OLFM1: variants seen among roughly 807,000 people sequenced by gnomAD.
OLFM1 encodes olfactomedin 1.
OLFM1 carries 9 observed loss-of-function variants against 49.7 expected under a neutral mutation model. That is an observed-to-expected ratio of 0.18 (90% CI 0.11 to 0.32). The LOEUF (loss-of-function observed/expected upper bound fraction) is 0.32. Ranked by LOEUF, OLFM1 falls within the 10% of genes least tolerant of loss-of-function variation. OLFM1 has a pLI of 1.00. For missense variants in OLFM1, 369 were observed against 661.8 expected (o/e 0.56, Z 4.85); for synonymous variants, 240 against 271.8 (o/e 0.88, Z 1.15).
intron 2 of OLFM1, among the ~76,000 whole-genome samples, chr9:135,092,022 G>A (rs1830723817): frequency 6.6e-6 from 1 of 152,248 alleles, no homozygotes; most frequent in Non-Finnish European, 1.5e-5. Context: ...CAGGAGGCCT[G>A]TGAGGGGCGG....
At chr9:135,084,309 TTC>T (rs140521547), upstream of OLFM1, among the ~76,000 whole-genome samples, 3 of 149,814 alleles carry the variant, frequency 2.0e-5, no homozygotes, top group South Asian at 2.1e-4. This position sits in a 1 kb window ranked among gnomAD's most constrained non-coding sequence, Gnocchi z 4.6. Flanking sequence ...TCTATCTTTC[TTC>T]TCTCTCTCTC....
At chr9:135,076,671 C>A in intron 1 of OLFM1, 1 of 1,287,958 alleles carries the variant, frequency 7.8e-7, no homozygotes, top group South Asian at 1.6e-5. Context: ...TCAATGATGC[C>A]ACTGTGCCAC....
chr9:135,116,520 G>A (rs1398661076), intron 5 of OLFM1, among the ~76,000 whole-genome samples: 2 of 152,110 alleles, frequency 1.3e-5, no homozygotes, highest in African/African-American at 4.8e-5. Context: ...AGGGTACAGG[G>A]GTGAGTCACC....
At chr9:135,111,072 A>G (rs4842221) in intron 5 of OLFM1, among the ~76,000 whole-genome samples, 25,344 of 152,156 alleles carry the variant, frequency 0.17, 2,190 homozygotes, top group Admixed American at 0.2. Context: ...CAGTTAGGAA[A>G]ATCCCACGTT....
intron 5 of OLFM1, 132 bp downstream of exon 5, chr9:135,106,987 G>A (rs1399918620): frequency 1.7e-5 from 12 of 697,770 alleles, no homozygotes; most frequent in Admixed American, 2.8e-5. Context: ...GTGCCTGGGG[G>A]CGTTTGTTCC....
rs1831049030 is a variant in OLFM1 at position 135,113,305 on chromosome 9, C to A, written c.784-6199C>A. Among the ~76,000 whole-genome samples, 1 of 152,156 alleles carries A rather than the reference C, an allele frequency of 6.6e-6. No individual in the cohort carries two copies. On this transcript the variant is annotated intron_variant, in intron 5 of 5. Coordinates refer to ENST00000371793, the MANE Select transcript of OLFM1 (RefSeq NM_001282611.2). This position sits in a 1 kb window ranked among gnomAD's most constrained non-coding sequence, Gnocchi z 4.0. Reference sequence around the variant, plus strand: ...AGATGGGCTGACCCTACCGCCACGTCCCCACAGGTGGTCTTATGGCCTTCT... The same window carrying A: ...AGATGGGCTGACCCTACCGCCACGTACCCACAGGTGGTCTTATGGCCTTCT...
chr9:135,119,119 G>T (rs1251347886), intron 5 of OLFM1, among the ~76,000 whole-genome samples: 2 of 151,342 alleles, frequency 1.3e-5, no homozygotes, highest in African/African-American at 2.4e-5. Flanking sequence ...GTGCTCACCG[G>T]GTCTTTGGAG....
In OLFM1 at chr9:135,090,769, G is replaced by A. The variant is rs577872697; in HGVS notation, c.300+425G>A. 7.9e-5 allele frequency among the ~76,000 whole-genome samples: 12 copies of A among 152,200 alleles called. No individual in the cohort carries two copies. The East Asian group carries it at 1.6e-3, about 20-fold the overall frequency. On this transcript the variant is annotated intron_variant, in intron 2 of 5. Transcript: ENST00000371793. ...TCACCCAGCAGCTACCTTGGAGAGC[G>A]CCCATAGGCCCAGGAATGCATGGCC...
At chr9:135,115,503 G>C (rs575492797) in intron 5 of OLFM1, among the ~76,000 whole-genome samples, 2 of 152,246 alleles carry the variant, frequency 1.3e-5, no homozygotes, top group Non-Finnish European at 2.9e-5. Flanking sequence ...GGACAGCAGC[G>C]CATCAGGGCT....
chr9:135,107,123 C>T (rs1431279512), intron 5 of OLFM1, among the ~76,000 whole-genome samples: 2 of 151,864 alleles, frequency 1.3e-5, no homozygotes, highest in African/African-American at 2.4e-5. Context: ...GGCCTCCTCC[C>T]CGGCCCGGTG....
At chr9:135,076,384 C>T (rs140526615) in intron 1 of OLFM1, 28 of 1,510,774 alleles carry the variant, frequency 1.9e-5, no homozygotes, top group East Asian at 4.9e-5. Flanking sequence ...GCCACATGCC[C>T]GGCAGGAGGT....
upstream of OLFM1, among the ~76,000 whole-genome samples, chr9:135,086,193 CCA>C (rs1309181573): frequency 1.3e-5 from 2 of 152,204 alleles, no homozygotes; most frequent in East Asian, 3.9e-4. Context: ...CCGCCTGGGC[CCA>C]GTCTGTGAGC....
In OLFM1 at chr9:135,080,306, A is replaced by G. The variant is rs1364437280; in HGVS notation, c.96+4504A>G. ...CCTCTGTTTTGGACTTGCTGGGAGGATACAGTGTTTGTAGAAGGGGATGGA... is the reference window on the plus strand; with the variant it reads ...CCTCTGTTTTGGACTTGCTGGGAGGGTACAGTGTTTGTAGAAGGGGATGGA... On this transcript the variant is annotated intron_variant, in intron 1 of 5. Transcript: ENST00000252854. The surrounding 1 kb of genome is among the most constrained non-coding windows in gnomAD (Gnocchi z 4.5). 1.3e-5 allele frequency among the ~76,000 whole-genome samples: 2 copies of G among 151,854 alleles called. No individual in the cohort carries two copies. Among genetic ancestry groups the G allele is most frequent in the Admixed American group, 1.3e-4 (2 of 15,248 alleles).
In OLFM1 at chr9:135,076,251, G is replaced by T. The variant is rs62573397; in HGVS notation, c.96+449G>T. ...GGCTCATCCTCCCTTTGGGCATAAC[G>T]CTGCCCTTGGGGGCTCCAGAAACAG... On this transcript the variant is annotated intron_variant, in intron 1 of 5. Transcript: ENST00000252854. The T allele has an allele frequency of 2.5e-3, 3,835 of 1,550,490 alleles. 60 individuals are homozygous for T. The African/African-American group carries it at 0.039, about 16-fold the overall frequency.
intron 2 of OLFM1, among the ~76,000 whole-genome samples, chr9:135,092,968 C>T (rs1830736569): frequency 6.6e-6 from 1 of 152,202 alleles, no homozygotes; most frequent in African/African-American, 2.4e-5. Context: ...CTCTTGCTTT[C>T]TCTTCATGGG....
At chr9:135,085,270 G>A (rs1830582979), upstream of OLFM1, among the ~76,000 whole-genome samples, 4 of 152,190 alleles carry the variant, frequency 2.6e-5, no homozygotes, top group South Asian at 2.1e-4. Context: ...GTCTTCTGGC[G>A]GCCTCTGTGG....
chr9:135,087,838 G>C lies in OLFM1; in HGVS notation c.-152G>C, dbSNP rs905170748. 1.1e-6 allele frequency: 1 copy of C among 933,144 alleles called. No homozygotes were observed. Among genetic ancestry groups the C allele is most frequent in the Admixed American group, 6.4e-5 (1 of 15,624 alleles). The allele number at this position is 933,144 out of a possible 1,614,324, so 57.8% of individuals were successfully genotyped here. On this transcript the variant is annotated 5_prime_UTR_variant, in exon 1 of 6. Coordinates refer to ENST00000371793, the MANE Select transcript of OLFM1 (RefSeq NM_001282611.2). The stretch of plus-strand genomic sequence containing the variant: ...CGGCGATGGCCGGGGCGCGCGGGGC[G>C]GCGGCGGCGGCGGGCGGGCGGCGGC...
At chr9:135,085,615 G>A (rs1830586955), upstream of OLFM1, among the ~76,000 whole-genome samples, 1 of 152,274 alleles carries the variant, frequency 6.6e-6, no homozygotes, top group African/African-American at 2.4e-5. Flanking sequence ...AGCTGCAGGT[G>A]TGATGAGCCC....
intron 5 of OLFM1, among the ~76,000 whole-genome samples, chr9:135,108,931 C>T (rs1330035304): frequency 1.3e-5 from 2 of 152,158 alleles, no homozygotes; most frequent in African/African-American, 4.8e-5. Flanking sequence ...ACCACCCTCC[C>T]CCTACAAGTG....
Sources: allele counts gnomAD v4.1 joint callset (sites outside exome capture counted in the v4.1 genomes callset), GRCh38; gene constraint gnomAD v4.1.1; non-coding constraint Gnocchi (gnomAD v3.1); transcripts MANE v1.5; gene names NCBI Gene and HGNC (gene_info 2026-07-23, HGNC 2026-07-21).